The following NCK1 variants were observed in gnomAD, a reference collection of about 807,000 sequenced individuals.
NCK1 encodes SH2/SH3 adapter protein NCK1.
NCK1 carries 19 observed loss-of-function variants against 36.6 expected under a neutral mutation model. That is an observed-to-expected ratio of 0.52 (90% CI 0.36 to 0.76). The LOEUF (loss-of-function observed/expected upper bound fraction) is 0.76. Ranked by LOEUF, NCK1 falls within the 30% of genes least tolerant of loss-of-function variation. The probability of loss-of-function intolerance (pLI) is 0.00; values close to 1 mark genes in which losing one functional copy is unlikely to be tolerated. For synonymous variants in NCK1, 165 were observed against 156.0 expected (o/e 1.06, Z -0.43); for missense variants, 358 against 445.6 (o/e 0.80, Z 1.77).
At chr3:136,906,896 T>C (rs1400159451) in intron 1 of NCK1, among the ~76,000 whole-genome samples, 1 of 152,120 alleles carries the variant, frequency 6.6e-6, no homozygotes, top group Non-Finnish European at 1.5e-5. Context: ...ACGGATTGCA[T>C]GCTTGGTTAC....
chr3:136,885,992 T>G (rs1939064709), intron 1 of NCK1, among the ~76,000 whole-genome samples: 1 of 152,234 alleles, frequency 6.6e-6, no homozygotes, highest in Admixed American at 6.5e-5. Flanking sequence ...CAGTGGTATT[T>G]CATCTGTTCT....
In NCK1 at chr3:136,948,476, C is replaced by T; in HGVS notation, c.*23C>T. On this transcript the variant is annotated 3_prime_UTR_variant, in exon 4 of 4. Transcript: ENST00000481752. ...TGATACTGCTGACCAGAAGTGACTG[C>T]TGTGTAGCTGTAATTTGTCATGTAA... 1 of 1,580,424 alleles carries T rather than the reference C, an allele frequency of 6.3e-7. No individual in the cohort carries two copies. The highest frequency in any genetic ancestry group is 8.6e-7 in the Non-Finnish European group (1 of 1,158,034).
chr3:136,912,161 TC>T lies in NCK1; in HGVS notation c.-18-15822del, dbSNP rs1209833187. 1.2e-3 allele frequency among the ~76,000 whole-genome samples: 113 copies of T among 95,536 alleles called. No individual in the cohort carries two copies. The East Asian group carries it at 0.034, about 29-fold the overall frequency. 62.7% of individuals were successfully genotyped at this position (95,536 alleles called of 152,430 possible). A position where few individuals can be genotyped will look rare whatever the true frequency, so the allele number is the denominator to read the frequency against. The stretch of plus-strand genomic sequence containing the variant: ...TGGGAAGTTTTTAGCTATTATTTTT[TC>T]TTTTTTTTTTTTTTTTTTGAGACCG... On this transcript the variant is annotated intron_variant, in intron 1 of 3. Coordinates refer to ENST00000481752, the MANE Select transcript of NCK1 (RefSeq NM_001291999.2).
At chr3:136,889,341 G>T (rs574113924) in intron 1 of NCK1, 105 of 158,528 alleles carry the variant, frequency 6.6e-4, no homozygotes, top group Non-Finnish European at 6.4e-4. Flanking sequence ...TCTGGAGTTT[G>T]CTCCTTCTGA....
intron 2 of NCK1, among the ~76,000 whole-genome samples, chr3:136,934,112 A>G (rs1940461891): frequency 6.6e-6 from 1 of 152,170 alleles, no homozygotes; most frequent in Non-Finnish European, 1.5e-5. Context: ...TGCTTTACAC[A>G]TAGACTTCTA....
chr3:136,931,326 T>C (rs780328303), intron 2 of NCK1, among the ~76,000 whole-genome samples: 42 of 152,174 alleles, frequency 2.8e-4, no homozygotes, highest in Admixed American at 1.0e-3. Flanking sequence ...TTGGTGTTTC[T>C]AGAAAAATGA....
intron 1 of NCK1, among the ~76,000 whole-genome samples, chr3:136,925,857 C>T (rs1485895521): frequency 1.3e-5 from 2 of 152,124 alleles, no homozygotes; most frequent in Non-Finnish European, 2.9e-5. Flanking sequence ...CCCAGGGGTG[C>T]AGTTGCTAGC....
intron 1 of NCK1, among the ~76,000 whole-genome samples, chr3:136,926,379 A>G (rs1333221974): frequency 6.6e-6 from 1 of 152,070 alleles, no homozygotes; most frequent in African/African-American, 2.4e-5. Flanking sequence ...GGTTCAAGCC[A>G]TTCTCCTGCC....
intron 1 of NCK1, among the ~76,000 whole-genome samples, chr3:136,866,456 C>T (rs1185383405): frequency 1.3e-5 from 2 of 151,590 alleles, no homozygotes; most frequent in Admixed American, 6.6e-5. Context: ...TACAGGCATG[C>T]GCCACCATGC....
intron 1 of NCK1, among the ~76,000 whole-genome samples, chr3:136,869,992 T>C (rs1938559636): frequency 6.6e-6 from 1 of 151,432 alleles, no homozygotes; most frequent in Non-Finnish European, 1.5e-5. Flanking sequence ...AGTGAAAATA[T>C]GTGGAAATAT....
chr3:136,869,849 TA>T (rs1192378336), intron 1 of NCK1, among the ~76,000 whole-genome samples: 8 of 152,102 alleles, frequency 5.3e-5, no homozygotes, highest in African/African-American at 1.9e-4. Flanking sequence ...AATTATCAGT[TA>T]AAAAAACCTG....
At chr3:136,927,744 C>T (rs552511374) in intron 1 of NCK1, among the ~76,000 whole-genome samples, 2 of 152,296 alleles carry the variant, frequency 1.3e-5, no homozygotes, top group South Asian at 2.1e-4. Context: ...TGGTCTCGAA[C>T]TCAACCTCAA....
chr3:136,909,111 C>T (rs1465381521), intron 1 of NCK1, among the ~76,000 whole-genome samples: 1 of 152,154 alleles, frequency 6.6e-6, no homozygotes, highest in Non-Finnish European at 1.5e-5. Context: ...TCCCACCCTT[C>T]AGAACTATGA....
At chr3:136,862,793 C>G (rs1938275560) in intron 1 of NCK1, among the ~76,000 whole-genome samples, 1 of 152,218 alleles carries the variant, frequency 6.6e-6, no homozygotes, top group African/African-American at 2.4e-5. Context: ...ACCTCCAGCC[C>G]GAGAGGAGGG....
chr3:136,904,850 T>C (rs533315065), intron 1 of NCK1, among the ~76,000 whole-genome samples: 5 of 147,830 alleles, frequency 3.4e-5, no homozygotes, highest in African/African-American at 9.9e-5. Flanking sequence ...TTTTTTTTAA[T>C]TATTACTTTT....
intron 3 of NCK1, among the ~76,000 whole-genome samples, chr3:136,947,820 T>A (rs1217514358): frequency 1.3e-5 from 2 of 152,164 alleles, no homozygotes; most frequent in Non-Finnish European, 2.9e-5. Flanking sequence ...GAATTCAGCA[T>A]GTTATCTCTA....
chr3:136,891,281 T>C (rs1312794442), intron 1 of NCK1, among the ~76,000 whole-genome samples: 1 of 152,150 alleles, frequency 6.6e-6, no homozygotes, highest in Non-Finnish European at 1.5e-5. Flanking sequence ...ATTCCAGGCA[T>C]GGGCCACCAT....
intron 1 of NCK1, among the ~76,000 whole-genome samples, chr3:136,875,565 TGTAATG>T (rs1938742734): frequency 6.6e-6 from 1 of 152,212 alleles, no homozygotes; most frequent in African/African-American, 2.4e-5. Context: ...AAGGCCATTA[TGTAATG>T]GTAAAGGGAT....
chr3:136,927,696 A>G (rs1416910446), intron 1 of NCK1, among the ~76,000 whole-genome samples: 4 of 151,302 alleles, frequency 2.6e-5, no homozygotes, highest in Non-Finnish European at 5.9e-5. Flanking sequence ...TAATTTTTGT[A>G]TTTTAGTACA....
Sources: allele counts gnomAD v4.1 joint callset (sites outside exome capture counted in the v4.1 genomes callset), GRCh38; gene constraint gnomAD v4.1.1; transcripts MANE v1.5; gene names NCBI Gene and HGNC (gene_info 2026-07-23, HGNC 2026-07-21).